KMT2B: variants seen among roughly 807,000 people sequenced by gnomAD.
KMT2B encodes histone-lysine N-methyltransferase 2B.
KMT2B carries 22 observed loss-of-function variants against 255.3 expected under a neutral mutation model. The observed-to-expected ratio is 0.09, with a 90% CI of 0.06 to 0.12. The LOEUF (loss-of-function observed/expected upper bound fraction) is 0.12, where lower values mean the gene tolerates loss of function less well. Ranked by LOEUF, KMT2B falls within the 10% of genes least tolerant of loss-of-function variation. The pLI, the probability that KMT2B is intolerant of heterozygous loss-of-function variation, is 1.00. For missense variants in KMT2B, 3,149 were observed against 3,737.0 expected (o/e 0.84, Z 4.10); for synonymous variants, 1,730 against 1,498.1 (o/e 1.15, Z -3.57).
In KMT2B at chr19:35,718,484, G is replaced by A. The variant is rs1053898656; in HGVS notation, c.363+103G>A. 5 of 1,171,844 alleles carry A rather than the reference G, an allele frequency of 4.3e-6. No homozygotes were observed. Among genetic ancestry groups the A allele is most frequent in the South Asian group, 4.3e-5 (1 of 23,298 alleles). 72.6% of individuals were successfully genotyped at this position (1,171,844 alleles called of 1,614,324 possible). On this transcript the variant is annotated intron_variant, in intron 1 of 36. Transcript: ENST00000420124. The surrounding 1 kb of genome is among the most constrained non-coding windows in gnomAD (Gnocchi z 5.0). Reference sequence around the variant, plus strand: ...CGGCGTGGGCAGGCCGGGTCCTCAGGGTTCCTTCGGAGAGACGGGGCACGG... The same window carrying A: ...CGGCGTGGGCAGGCCGGGTCCTCAGAGTTCCTTCGGAGAGACGGGGCACGG...
At position 35,733,493 on chromosome 19, in the gene KMT2B, G is replaced by A. The variant is rs749380479; in HGVS notation, c.6944G>A (p.Gly2315Glu). The A allele has an allele frequency of 1.4e-4, 216 of 1,565,786 alleles. No homozygotes were observed. Among genetic ancestry groups the A allele is most frequent in the Non-Finnish European group, 1.7e-4 (192 of 1,155,444 alleles). ...EASEDTPQVPGLGSGGFSRVR... is the reference protein window; with the variant it reads ...EASEDTPQVPELGSGGFSRVR... ...TCAGAGGATACCCCTCAGGTTCCAG[G>A]GCTTGGCAGTGGCGGGTGAGTGCGG... is the stretch of plus-strand genomic sequence containing the variant. Residue 2315 changes from glycine (G) to glutamate (E), a missense_variant, in exon 28 of 37, where the codon GGG (glycine) becomes GAG (glutamate). Physicochemically the swap from Gly to Glu is moderately conservative, Grantham distance 98. Coordinates refer to ENST00000420124, the MANE Select transcript of KMT2B (RefSeq NM_014727.3). The surrounding 1 kb of genome is among the most constrained non-coding windows in gnomAD (Gnocchi z 4.3).
Position 35,720,342 on chromosome 19 carries a change from A to T in KMT2B, c.995A>T (p.His332Leu). ...GLESGQGQGQ[H>L]EESWQDVPQR... ...GAATCAGGTCAAGGTCAAGGTCAAC[A>T]TGAGGAAAGTTGGCAGGATGTCCCC... Residue 332 changes from histidine (H) to leucine (L), a missense_variant, in exon 3 of 37, where the codon CAT (histidine) becomes CTT (leucine). Around this residue, in one of 18 missense-constraint regions of KMT2B, gnomAD observed 1,188 missense variants for 1,106.4 expected, o/e 1.07. Transcript: ENST00000420124. The T allele has an allele frequency of 1.2e-6, 2 of 1,610,922 alleles. No individual in the cohort carries two copies. Among genetic ancestry groups the T allele is most frequent in the Non-Finnish European group, 1.7e-6 (2 of 1,178,572 alleles).
rs767647873 is a variant in KMT2B, at chr19:35,733,001, G to A, written c.6452G>A (p.Gly2151Asp). The change falls in exon 28 of 37, where the codon GGC becomes GAC. Residue 2151 changes from glycine (G) to aspartate (D), a missense_variant. This residue lies in a region of KMT2B where 897 missense variants were observed against 825.3 expected (regional missense o/e 1.09). Transcript: ENST00000420124. This position sits in a 1 kb window ranked among gnomAD's most constrained non-coding sequence, Gnocchi z 4.3. ...PLANGSQPSQ[G>D]LTASPADPTR... is the part of the protein sequence containing the mutation. The stretch of plus-strand genomic sequence containing the variant: ...GCTAATGGCAGCCAGCCCTCCCAAG[G>A]CCTGACCGCCAGCCCAGCTGACCCC... 1.3e-6 allele frequency: 2 copies of A among 1,597,550 alleles called. No individual in the cohort carries two copies. The highest frequency in any genetic ancestry group is 4.5e-5 in the East Asian group (2 of 44,168).
Position 35,733,303 on chromosome 19 carries a change from G to GCCCCCCCCCCCCCCCCCCCCCC in KMT2B, c.6758_6759insCCCCCCCCCCCCCCCCCCCCCC (p.Leu2260ProfsTer50). On this transcript the variant is annotated frameshift_variant, in exon 28 of 37. Coordinates refer to ENST00000420124, the MANE Select transcript of KMT2B (RefSeq NM_014727.3). LOFTEE classifies it high-confidence loss of function. This position sits in a 1 kb window ranked among gnomAD's most constrained non-coding sequence, Gnocchi z 4.3. Reference sequence around the variant, plus strand: ...GCCCGTGGTCGGAGTGGTCCGCCCTGCCCCGCCCCCGCCACCCCCTCCCCT... The same window carrying GCCCCCCCCCCCCCCCCCCCCCC: ...GCCCGTGGTCGGAGTGGTCCGCCCTGCCCCCCCCCCCCCCCCCCCCCCCCCCGCCCCCGCCACCCCCTCCCCT... 2.2e-6 allele frequency: 3 copies of GCCCCCCCCCCCCCCCCCCCCCC among 1,340,096 alleles called. No homozygotes were observed. The highest frequency in any genetic ancestry group is 3.1e-6 in the Non-Finnish European group (3 of 961,262). The allele number at this position is 1,340,096 out of a possible 1,614,324, so 83.0% of individuals were successfully genotyped here. A position where few individuals can be genotyped will look rare whatever the true frequency, so the allele number is the denominator to read the frequency against.
At position 35,732,302 on chromosome 19, in the gene KMT2B, C is replaced by T; in HGVS notation, c.5753C>T (p.Pro1918Leu). ...CCCAGACGTTCCCGTCGTCCCAGCCCTTTGGCTCCCAGGCCGCCTCCATCA... is the reference window on the plus strand; with the variant it reads ...CCCAGACGTTCCCGTCGTCCCAGCCTTTTGGCTCCCAGGCCGCCTCCATCA... ...APPRRSRRPS[P>L]LAPRPPPSRW... is the part of the protein sequence containing the mutation. The change falls in exon 28 of 37, where the codon CCT becomes CTT. Residue 1918 changes from proline (P) to leucine (L), a missense_variant. Transcript: ENST00000420124. 6.2e-7 allele frequency: 1 copy of T among 1,611,318 alleles called. No individual in the cohort carries two copies. The highest frequency in any genetic ancestry group is 8.5e-7 in the Non-Finnish European group (1 of 1,178,886).
At position 35,722,582 on chromosome 19, in the gene KMT2B, T is replaced by C. The variant is rs754607929; in HGVS notation, c.2586T>C (p.Pro862=). 1.2e-6 allele frequency: 2 copies of C among 1,608,254 alleles called. No homozygotes were observed. Among genetic ancestry groups the C allele is most frequent in the South Asian group, 1.1e-5 (1 of 90,540 alleles). Reference sequence around the variant, plus strand: ...TTCTCCCCCAGGGTCCCGAGTCCCCTGTGCAAGGTCCCCGCATCAAACATG... The same window carrying C: ...TTCTCCCCCAGGGTCCCGAGTCCCCCGTGCAAGGTCCCCGCATCAAACATG... ...KRERPSGPES[P]VQGPRIKHVC... The change falls in exon 5 of 37, where the codon CCT becomes CCC. Residue 862 remains proline, a synonymous_variant. Coordinates refer to ENST00000420124, the MANE Select transcript of KMT2B (RefSeq NM_014727.3).
At chr19:35,724,904 G>A in intron 9 of KMT2B, 85 bp from the exon 10 acceptor site, 6 of 1,210,036 alleles carry the variant, frequency 5.0e-6, no homozygotes, top group Non-Finnish European at 7.3e-6. Context: ...TCTGGGTCCA[G>A]TAGGCTGGGG....
chr19:35,720,766 C>T lies in KMT2B; in HGVS notation c.1419C>T (p.Pro473=). ...ATCSRKRGRP[P]LTPSQRAERE... ...GCTCCAGGAAGAGGGGCCGGCCTCC[C>T]CTGACTCCCAGCCAGCGGGCGGAGC... is the stretch of plus-strand genomic sequence containing the variant. The change falls in exon 3 of 37, where the codon CCC becomes CCT. Residue 473 remains proline (P), a synonymous_variant. Coordinates refer to ENST00000420124, the MANE Select transcript of KMT2B (RefSeq NM_014727.3). The T allele has an allele frequency of 1.4e-6, 2 of 1,480,200 alleles. No homozygotes were observed. Among genetic ancestry groups the T allele is most frequent in the Non-Finnish European group, 9.0e-7 (1 of 1,112,432 alleles). The allele number at this position is 1,480,200 out of a possible 1,614,324, so 91.7% of individuals were successfully genotyped here.
At chr19:35,734,912 A>G (rs537515884) in intron 30 of KMT2B, among the ~76,000 whole-genome samples, 1 of 152,336 alleles carries the variant, frequency 6.6e-6, no homozygotes, top group East Asian at 1.9e-4. Flanking sequence ...CTTAACTCAG[A>G]GGCTGCTTAT....
In KMT2B at chr19:35,723,225, C is replaced by T. The variant is rs1423112570; in HGVS notation, c.2953C>T (p.Leu985=). ...VQDCGSCVNC[L]DKPKFGGPNT... ...GGACTGTGGGTCCTGTGTCAACTGC[C>T]TAGACAAGCCCAAGTTTGGGGGCCC... Residue 985 remains leucine, a synonymous_variant, in exon 6 of 37, where the codon CTA becomes TTA. Transcript: ENST00000420124. This position sits in a 1 kb window ranked among gnomAD's most constrained non-coding sequence, Gnocchi z 7.5. 1.2e-6 allele frequency: 2 copies of T among 1,613,230 alleles called. No individual in the cohort carries two copies. Among genetic ancestry groups the T allele is most frequent in the African/African-American group, 2.7e-5 (2 of 74,920 alleles).
Position 35,732,911 on chromosome 19 carries a change from T to A in KMT2B, c.6362T>A (p.Leu2121Gln). The part of the protein sequence containing the change: ...SEIVDFVLKN[L>Q]GGPGDGGAGP... The stretch of plus-strand genomic sequence containing the variant: ...ATTGTGGATTTTGTGTTGAAGAACC[T>A]AGGGGGTCCTGGGGATGGAGGTGCT... The change falls in exon 28 of 37, where the codon CTA becomes CAA. Residue 2121 changes from leucine (L) to glutamine (Q), a missense_variant. Leu to Gln is a moderately radical substitution (Grantham distance 113, BLOSUM62 -2). Coordinates refer to ENST00000420124, the MANE Select transcript of KMT2B (RefSeq NM_014727.3). The A allele has an allele frequency of 6.2e-7, 1 of 1,609,508 alleles. No homozygotes were observed. Among genetic ancestry groups the A allele is most frequent in the Non-Finnish European group, 8.5e-7 (1 of 1,178,508 alleles).
rs374176981 is a variant in KMT2B at position 35,725,002 on chromosome 19, C to T, written c.3443C>T (p.Pro1148Leu). The T allele has an allele frequency of 1.2e-5, 20 of 1,612,834 alleles. No homozygotes were observed. The highest frequency in any genetic ancestry group is 1.7e-5 in the Non-Finnish European group (20 of 1,178,938). Residue 1148 changes from proline to leucine, a missense_variant, in exon 10 of 37, where the codon CCT becomes CTT. This residue lies in a region of KMT2B where 136 missense variants were observed against 137.3 expected (regional missense o/e 0.99). Transcript: ENST00000420124. This position sits in a 1 kb window ranked among gnomAD's most constrained non-coding sequence, Gnocchi z 4.1. ...TTTCCTCCCCAGGATGCTTTGGCCC[C>T]TGGCCCCTTTGCTTCTTTTCCCAAT... is the stretch of plus-strand genomic sequence containing the variant. The part of the protein sequence containing the change: ...RRRLDKDALA[P>L]GPFASFPNGW...
Position 35,727,491 on chromosome 19 carries a change from G to A in KMT2B, c.4171G>A (p.Gly1391Arg), listed in dbSNP as rs371758121. 5.6e-5 allele frequency: 90 copies of A among 1,612,386 alleles called. No homozygotes were observed. The African/African-American group carries it at 8.7e-4, about 16-fold the overall frequency. The change falls in exon 16 of 37, where the codon GGA (glycine) becomes AGA (arginine). Residue 1391 changes from glycine (G) to arginine (R), a missense_variant. Around this residue, in one of 18 missense-constraint regions of KMT2B, gnomAD observed 377 missense variants for 471.0 expected, o/e 0.80. Coordinates refer to ENST00000420124, the MANE Select transcript of KMT2B (RefSeq NM_014727.3). The surrounding 1 kb of genome is among the most constrained non-coding windows in gnomAD (Gnocchi z 4.2). ...GCCAGACTCGGTGCTGTACACCTGC[G>A]GACCGTGTGCTGGGGCAGCGCAGCC... Reference protein sequence around the residue: ...GLPDSVLYTCGPCAGAAQPRW... With the variant: ...GLPDSVLYTCRPCAGAAQPRW...
Position 35,718,357 on chromosome 19 carries a change from C to G in KMT2B, c.339C>G (p.Ser113Arg). 2 of 1,267,832 alleles carry G rather than the reference C, an allele frequency of 1.6e-6. No homozygotes were observed. The highest frequency in any genetic ancestry group is 3.8e-5 in the South Asian group (1 of 26,462). The allele number at this position is 1,267,832 out of a possible 1,614,324, so 78.5% of individuals were successfully genotyped here. The change falls in exon 1 of 37, where the codon AGC becomes AGG. Residue 113 changes from serine (S) to arginine (R), a missense_variant. This residue lies in a region of KMT2B where 1,188 missense variants were observed against 1,106.4 expected (regional missense o/e 1.07). Transcript: ENST00000420124. This position sits in a 1 kb window ranked among gnomAD's most constrained non-coding sequence, Gnocchi z 5.0. ...PSRGCVPEEE[S>R]SDGESDEEEF... is the part of the protein sequence containing the mutation. ...GAGGCTGCGTGCCGGAGGAGGAGAGCAGTGACGGGGAATCCGACGAGGAGG... is the reference window on the plus strand; with the variant it reads ...GAGGCTGCGTGCCGGAGGAGGAGAGGAGTGACGGGGAATCCGACGAGGAGG...
In KMT2B at chr19:35,721,374, C is replaced by G; in HGVS notation, c.2027C>G (p.Ala676Gly). ...CCTCCTCCTCTTGGGGCTCCTGAAG[C>G]CCCTGAGCCAGAGCCTCCTCCTGCC... ...LTPPPLGAPE[A>G]PEPEPPPADD... The change falls in exon 3 of 37, where the codon GCC becomes GGC. Residue 676 changes from alanine to glycine, a missense_variant. Around this residue, in one of 18 missense-constraint regions of KMT2B, gnomAD observed 1,188 missense variants for 1,106.4 expected, o/e 1.07. Transcript: ENST00000420124. The G allele has an allele frequency of 6.2e-7, 1 of 1,600,598 alleles. No individual in the cohort carries two copies. Among genetic ancestry groups the G allele is most frequent in the Non-Finnish European group, 8.5e-7 (1 of 1,174,784 alleles).
Position 35,732,970 on chromosome 19 carries a change from C to T in KMT2B, c.6421C>T (p.Pro2141Ser). 1 of 1,603,940 alleles carries T rather than the reference C, an allele frequency of 6.2e-7. No homozygotes were observed. Among genetic ancestry groups the T allele is most frequent in the Non-Finnish European group, 8.5e-7 (1 of 1,176,024 alleles). The change falls in exon 28 of 37, where the codon CCC (proline) becomes TCC (serine). Residue 2141 changes from proline (P) to serine (S), a missense_variant. By Grantham distance (74) the Pro-to-Ser change is moderately conservative. This residue lies in a region of KMT2B where 897 missense variants were observed against 825.3 expected (regional missense o/e 1.09). Transcript: ENST00000420124. ...AGAGGAGTCACTCCCCCCGGCGCCT[C>T]CCCTGGCTAATGGCAGCCAGCCCTC... The part of the protein sequence containing the change: ...PREESLPPAP[P>S]LANGSQPSQG...
At chr19:35,726,983 CAAAAAAAAAAAA>C (rs34515466) in intron 14 of KMT2B, among the ~76,000 whole-genome samples, 161 bp from the exon 15 acceptor site, 9 of 62,860 alleles carry the variant, frequency 1.4e-4, no homozygotes, top group Non-Finnish European at 3.0e-4. Flanking sequence ...GACACTGTCT[CAAAAAAAAAAAA>C]AAAAAAAAAG....
In KMT2B at chr19:35,720,307, C is replaced by G; in HGVS notation, c.960C>G (p.Ser320=). 1 of 1,613,238 alleles carries G rather than the reference C, an allele frequency of 6.2e-7. No individual in the cohort carries two copies. The highest frequency in any genetic ancestry group is 8.5e-7 in the Non-Finnish European group (1 of 1,179,682). ...AAAAAGTAAAGATGGGACAATTGTC[C>G]TTGGGACTCGAATCAGGTCAAGGTC... ...RAKKVKMGQL[S]LGLESGQGQG... Residue 320 remains serine, a synonymous_variant, in exon 3 of 37, where the codon TCC becomes TCG. Coordinates refer to ENST00000420124, the MANE Select transcript of KMT2B (RefSeq NM_014727.3).
In KMT2B at chr19:35,718,299, G is replaced by A; in HGVS notation, c.281G>A (p.Gly94Glu). 8.1e-7 allele frequency: 1 copy of A among 1,233,776 alleles called. No individual in the cohort carries two copies. Among genetic ancestry groups the A allele is most frequent in the Non-Finnish European group, 1.0e-6 (1 of 980,270 alleles). The allele number at this position is 1,233,776 out of a possible 1,614,324, so 76.4% of individuals were successfully genotyped here. A position where few individuals can be genotyped will look rare whatever the true frequency, so the allele number is the denominator to read the frequency against. Reference sequence around the variant, plus strand: ...GGCCCGCGGGTCCAGCGGGGCCGGGGACGGGGTCGGGGCCGGGGCTGGGGC... The same window carrying A: ...GGCCCGCGGGTCCAGCGGGGCCGGGAACGGGGTCGGGGCCGGGGCTGGGGC... ...WAGPRVQRGR[G>E]RGRGRGWGPS... Residue 94 changes from glycine (G) to glutamate (E), a missense_variant, in exon 1 of 37, where the codon GGA becomes GAA. By Grantham distance (98) the Gly-to-Glu change is moderately conservative (BLOSUM62 -2). Coordinates refer to ENST00000420124, the MANE Select transcript of KMT2B (RefSeq NM_014727.3). This position sits in a 1 kb window ranked among gnomAD's most constrained non-coding sequence, Gnocchi z 5.0.
Sources: gnomAD v4.1 joint callset for allele counts (sites outside exome capture counted in the v4.1 genomes callset) on GRCh38, gnomAD v4.1.1 for gene constraint, gnomAD v4.1.1 regional missense constraint, Gnocchi (gnomAD v3.1) non-coding constraint, MANE v1.5 for transcripts, NCBI Gene and HGNC (gene_info 2026-07-23, HGNC 2026-07-21) for gene names.